Variants in PRDM6 observed in about 807,000 individuals in gnomAD.
The protein encoded by PRDM6 is PR/SET domain 6, also known as putative histone-lysine N-methyltransferase PRDM6.
A neutral mutation model predicts 60.8 loss-of-function variants in PRDM6; 25 were observed. That is an observed-to-expected ratio of 0.41 (90% CI 0.30 to 0.57). PRDM6 has a LOEUF of 0.57. Ranked by LOEUF, PRDM6 falls within the 20% of genes least tolerant of loss-of-function variation. The pLI is 0.27. For synonymous variants in PRDM6, 407 were observed against 357.4 expected (o/e 1.14, Z -1.57); for missense variants, 839 against 821.3 (o/e 1.02, Z -0.26).
At chr5:123,134,257 A>G (rs1397296146) in intron 3 of PRDM6, among the ~76,000 whole-genome samples, 1 of 152,122 alleles carries the variant, frequency 6.6e-6, no homozygotes, top group Non-Finnish European at 1.5e-5. Context: ...TTTCTTAACA[A>G]TGGTAACGGC....
intron 3 of PRDM6, among the ~76,000 whole-genome samples, chr5:123,155,004 G>T (rs1386780631): frequency 1.3e-5 from 2 of 152,164 alleles, no homozygotes; most frequent in Non-Finnish European, 2.9e-5. Context: ...TGAATCTGAA[G>T]TCGTTTCTGG....
At chr5:123,118,248 A>T (rs1012783666) in intron 3 of PRDM6, among the ~76,000 whole-genome samples, 7 of 152,240 alleles carry the variant, frequency 4.6e-5, no homozygotes, top group African/African-American at 1.7e-4. Context: ...TAAATGGCAA[A>T]TGCAAAAGCC....
At chr5:123,114,319 GC>G (rs1252524959) in intron 3 of PRDM6, among the ~76,000 whole-genome samples, 1 of 152,182 alleles carries the variant, frequency 6.6e-6, no homozygotes, top group East Asian at 1.9e-4. Context: ...AATTTTCACT[GC>G]TGTGATTTTG....
chr5:123,191,092 A>T lies in PRDM6; in HGVS notation c.*3891A>T, dbSNP rs1313224564. 1 of 152,106 alleles carries T rather than the reference A, an allele frequency of 6.6e-6. No individual in the cohort carries two copies. The highest frequency in any genetic ancestry group is 2.4e-5 in the African/African-American group (1 of 41,422). The allele number at this position is 152,106 out of a possible 1,614,324, so 9.4% of individuals were successfully genotyped here. On this transcript the variant is annotated 3_prime_UTR_variant, in exon 8 of 8. Transcript: ENST00000407847. ...ATTAGGGCCTGGGTCTTGGGTTTTT[A>T]TGACCCCCCCTTTCAATGATAAGGC...
chr5:123,123,579 T>A (rs559758041), intron 3 of PRDM6, among the ~76,000 whole-genome samples: 1 of 152,374 alleles, frequency 6.6e-6, no homozygotes, highest in South Asian at 2.1e-4. Context: ...TTGGGATCCT[T>A]GGAATCCACG....
chr5:123,100,123 T>C (rs1434361728), intron 3 of PRDM6, among the ~76,000 whole-genome samples, 162 bp downstream of exon 3: 3 of 152,206 alleles, frequency 2.0e-5, no homozygotes, highest in Non-Finnish European at 4.4e-5. Flanking sequence ...GTCCTGTAGA[T>C]GCCTGGTGTC....
intron 3 of PRDM6, among the ~76,000 whole-genome samples, chr5:123,143,931 C>T (rs1765179302): frequency 6.6e-6 from 1 of 152,100 alleles, no homozygotes; most frequent in Admixed American, 6.5e-5. Flanking sequence ...CAGTGTGGTC[C>T]AGTCAGGGGA....
intron 3 of PRDM6, among the ~76,000 whole-genome samples, chr5:123,123,754 G>T (rs960994751): frequency 6.6e-6 from 1 of 152,102 alleles, no homozygotes; most frequent in Non-Finnish European, 1.5e-5. Context: ...AGGCCCATTT[G>T]ATACAAACCC....
rs546124576 is a variant in PRDM6 at position 123,175,086 on chromosome 5, G to A, written c.1496+3978G>A. Among the ~76,000 whole-genome samples the A allele has an allele frequency of 3.3e-5, 5 of 152,238 alleles. No individual in the cohort carries two copies. The East Asian group carries it at 9.6e-4, about 29-fold the overall frequency. ...TCTTGCTTTTGCTCAAACCAAAAGT[G>A]CTTTTGCTCAGCACTCCCATTGGGG... On this transcript the variant is annotated intron_variant, in intron 6 of 7. Transcript: ENST00000407847.
At position 123,089,986 on chromosome 5, in the gene PRDM6, C is replaced by T. The variant is rs1763770912; in HGVS notation, c.-15-14C>T. 4 of 1,526,706 alleles carry T rather than the reference C, an allele frequency of 2.6e-6. No individual in the cohort carries two copies. Among genetic ancestry groups the T allele is most frequent in the African/African-American group, 1.4e-5 (1 of 71,252 alleles). The allele number at this position is 1,526,706 out of a possible 1,614,324, so 94.6% of individuals were successfully genotyped here. A position where few individuals can be genotyped will look rare whatever the true frequency, so the allele number is the denominator to read the frequency against. ...CAGCTCACGCGCCCCCTCTTCCCTG[C>T]CCTCTGCCCCCAGTTCGAGGCGCCG... is the stretch of plus-strand genomic sequence containing the variant. On this transcript the variant is annotated splice_polypyrimidine_tract_variant and intron_variant, in intron 1 of 7. Coordinates refer to ENST00000407847, the MANE Select transcript of PRDM6 (RefSeq NM_001136239.4).
intron 3 of PRDM6, among the ~76,000 whole-genome samples, chr5:123,137,839 A>T (rs1765000598): frequency 6.6e-6 from 1 of 152,180 alleles, no homozygotes; most frequent in African/African-American, 2.4e-5. Context: ...TGTTCTTAAT[A>T]TACCTGGCAC....
Position 123,156,019 on chromosome 5 carries a change from A to G in PRDM6, c.1028+8A>G. ...AACAGTAGTTCAGTACAGGTAAAGT[A>G]TATCTTGATTTACCACCTACAGAGC... On this transcript the variant is annotated splice_region_variant and intron_variant, in intron 4 of 7. Coordinates refer to ENST00000407847, the MANE Select transcript of PRDM6 (RefSeq NM_001136239.4). 2 of 1,548,486 alleles carry G rather than the reference A, an allele frequency of 1.3e-6. No homozygotes were observed. The highest frequency in any genetic ancestry group is 1.2e-5 in the South Asian group (1 of 83,286).
At chr5:123,112,697 A>G (rs1764339605) in intron 3 of PRDM6, among the ~76,000 whole-genome samples, 1 of 150,238 alleles carries the variant, frequency 6.7e-6, no homozygotes, top group South Asian at 2.1e-4. Context: ...CATCTCCCCT[A>G]ATCTTTATCC....
At chr5:123,165,149 A>G (rs1765725176) in intron 5 of PRDM6, among the ~76,000 whole-genome samples, 1 of 151,992 alleles carries the variant, frequency 6.6e-6, no homozygotes, top group South Asian at 2.1e-4. Flanking sequence ...TCCATTTTCA[A>G]TCCAGACCTC....
chr5:123,120,813 T>C lies in PRDM6; in HGVS notation c.900+20852T>C, dbSNP rs533925938. Among the ~76,000 whole-genome samples, 21 of 152,358 alleles carry C rather than the reference T, an allele frequency of 1.4e-4. No homozygotes were observed. The East Asian group carries it at 3.5e-3, about 25-fold the overall frequency. Reference sequence around the variant, plus strand: ...TACTGTTAAACCCTTAGCATCTAGGTTAATAGATTTTCATTATTTTAGTGA... The same window carrying C: ...TACTGTTAAACCCTTAGCATCTAGGCTAATAGATTTTCATTATTTTAGTGA... On this transcript the variant is annotated intron_variant, in intron 3 of 7. Transcript: ENST00000407847.
At chr5:123,155,434 C>T (rs915054890) in intron 3 of PRDM6, among the ~76,000 whole-genome samples, 3 of 151,758 alleles carry the variant, frequency 2.0e-5, no homozygotes, top group South Asian at 2.1e-4. Flanking sequence ...TGCTGGGTGT[C>T]GCCCAGCCTG....
At chr5:123,147,279 AAGAGAGAGAG>A (rs3036135) in intron 3 of PRDM6, among the ~76,000 whole-genome samples, 107 of 147,584 alleles carry the variant, frequency 7.3e-4, no homozygotes, top group Non-Finnish European at 1.2e-3. Flanking sequence ...TGATACTAAA[AAGAGAGAGAG>A]AGAGAGAGAG....
At chr5:123,111,775 C>T (rs1764322545) in intron 3 of PRDM6, among the ~76,000 whole-genome samples, 1 of 152,070 alleles carries the variant, frequency 6.6e-6, no homozygotes, top group Non-Finnish European at 1.5e-5. Flanking sequence ...TGCCCCGCTT[C>T]CTGCCTCTTC....
chr5:123,133,774 A>G (rs894759004), intron 3 of PRDM6, among the ~76,000 whole-genome samples: 2 of 151,994 alleles, frequency 1.3e-5, no homozygotes, highest in African/African-American at 4.8e-5. Context: ...AAATGCAAGG[A>G]TCATCTTGAA....
Sources: allele counts gnomAD v4.1 joint callset (sites outside exome capture counted in the v4.1 genomes callset), GRCh38; gene constraint gnomAD v4.1.1; transcripts MANE v1.5; gene names NCBI Gene and HGNC (gene_info 2026-07-23, HGNC 2026-07-21).